NRG1: variants seen among roughly 807,000 people sequenced by gnomAD.
NRG1 encodes neuregulin 1.
NRG1 carries 18 observed loss-of-function variants against 63.8 expected under a neutral mutation model. The ratio of observed to expected loss-of-function variants is 0.28; its 90% confidence interval spans 0.19 to 0.42. NRG1 has a LOEUF of 0.42. Among genes scored for constraint, NRG1 ranks in the 10% least tolerant of loss-of-function variants. The pLI is 1.00. For synonymous variants in NRG1, 302 were observed against 301.3 expected (o/e 1.00, Z -0.02); for missense variants, 762 against 814.7 (o/e 0.94, Z 0.79).
At chr8:31,876,366 G>A (rs904373033) in intron 1 of NRG1, among the ~76,000 whole-genome samples, 1 of 152,132 alleles carries the variant, frequency 6.6e-6, no homozygotes, top group Non-Finnish European at 1.5e-5. Flanking sequence ...ATCAATTTCT[G>A]TTTGAGGTTG....
At chr8:31,741,830 A>G (rs1234031025) in intron 1 of NRG1, among the ~76,000 whole-genome samples, 1 of 152,028 alleles carries the variant, frequency 6.6e-6, no homozygotes, top group Non-Finnish European at 1.5e-5. Flanking sequence ...AGTAGTACCA[A>G]TCCTATATAT....
intron 1 of NRG1, among the ~76,000 whole-genome samples, chr8:31,846,767 T>A (rs1456754867): frequency 1.3e-5 from 2 of 152,180 alleles, no homozygotes; most frequent in Non-Finnish European, 2.9e-5. Flanking sequence ...GAACTCTACA[T>A]CTTTTAGTGG....
chr8:32,012,261 T>G (rs1046269157), intron 1 of NRG1, among the ~76,000 whole-genome samples: 1 of 152,118 alleles, frequency 6.6e-6, no homozygotes, highest in Non-Finnish European at 1.5e-5. Flanking sequence ...ATGATGGTTT[T>G]ATTTGCCAGC....
intron 1 of NRG1, among the ~76,000 whole-genome samples, chr8:32,164,594 G>A (rs1017186448): frequency 2.1e-4 from 32 of 152,032 alleles, no homozygotes; most frequent in African/African-American, 7.0e-4. Flanking sequence ...ACACACTACC[G>A]CTTTTTACAT....
At chr8:31,853,906 G>A (rs1827539011) in intron 1 of NRG1, among the ~76,000 whole-genome samples, 1 of 151,582 alleles carries the variant, frequency 6.6e-6, no homozygotes, top group Non-Finnish European at 1.5e-5. Context: ...TTTTATGCTG[G>A]ATTACATTTA....
At chr8:32,034,174 T>C (rs926084354) in intron 1 of NRG1, among the ~76,000 whole-genome samples, 4 of 152,226 alleles carry the variant, frequency 2.6e-5, no homozygotes, top group Admixed American at 6.5e-5. Context: ...TGTTGAATTT[T>C]ATTGAAGGCC....
At chr8:32,258,648 T>C (rs940982328) in intron 1 of NRG1, among the ~76,000 whole-genome samples, 1 of 152,144 alleles carries the variant, frequency 6.6e-6, no homozygotes, top group African/African-American at 2.4e-5. Flanking sequence ...AAGGAGGAAC[T>C]GTCAAACACT....
chr8:31,888,731 C>G (rs565001578), intron 1 of NRG1, among the ~76,000 whole-genome samples: 105 of 151,924 alleles, frequency 6.9e-4, no homozygotes, highest in African/African-American at 2.3e-3. Flanking sequence ...ATATTTGAAT[C>G]AAAGTTATTA....
chr8:31,950,392 G>A (rs1803280971), intron 1 of NRG1, among the ~76,000 whole-genome samples: 1 of 152,180 alleles, frequency 6.6e-6, no homozygotes, highest in Admixed American at 6.5e-5. Flanking sequence ...AAATTTAAGG[G>A]TGGAGATGGG....
chr8:31,776,204 C>A (rs1204774624), intron 1 of NRG1, among the ~76,000 whole-genome samples: 1 of 152,096 alleles, frequency 6.6e-6, no homozygotes, highest in Non-Finnish European at 1.5e-5. Flanking sequence ...GGGTTGTAGG[C>A]CATGAAAGTT....
chr8:32,029,989 T>C (rs896952107), intron 1 of NRG1, among the ~76,000 whole-genome samples: 1 of 152,196 alleles, frequency 6.6e-6, no homozygotes, highest in Non-Finnish European at 1.5e-5. Flanking sequence ...ATTCTCTTTA[T>C]ATTCATTATA....
chr8:32,489,876 C>T (rs17645111), intron 1 of NRG1, among the ~76,000 whole-genome samples: 16,398 of 152,236 alleles, frequency 0.11, 1,128 homozygotes, highest in South Asian at 0.16. Flanking sequence ...AAAGACTCCT[C>T]GGTCCTCCCT....
intron 1 of NRG1, among the ~76,000 whole-genome samples, chr8:32,227,082 C>G (rs970954515): frequency 6.6e-6 from 1 of 152,156 alleles, no homozygotes; most frequent in Non-Finnish European, 1.5e-5. Context: ...CTTCCTTTCT[C>G]CTTTTACTCT....
At chr8:32,543,606 T>A (rs142543029), upstream of NRG1, among the ~76,000 whole-genome samples, 12 of 152,290 alleles carry the variant, frequency 7.9e-5, no homozygotes, top group East Asian at 1.4e-3. Flanking sequence ...ATCCATGATA[T>A]CAGTCATGAC....
At chr8:32,573,375 CTT>C in intron 1 of NRG1, among the ~76,000 whole-genome samples, 2 of 151,388 alleles carry the variant, frequency 1.3e-5, no homozygotes, top group Non-Finnish European at 2.9e-5. Context: ...TCCAATAAAA[CTT>C]TATTTACAAA....
chr8:32,134,797 G>C (rs1212983289), intron 1 of NRG1, among the ~76,000 whole-genome samples: 1 of 152,076 alleles, frequency 6.6e-6, no homozygotes, highest in Non-Finnish European at 1.5e-5. Flanking sequence ...TGGGAGGATA[G>C]CTTGAGCCCA....
intron 1 of NRG1, among the ~76,000 whole-genome samples, chr8:32,246,429 G>T (rs1455507790): frequency 6.6e-6 from 1 of 152,106 alleles, no homozygotes; most frequent in African/African-American, 2.4e-5. Flanking sequence ...TCCTGACTCA[G>T]TCTGCTGGTA....
At chr8:31,871,276 T>G (rs73578520) in intron 1 of NRG1, among the ~76,000 whole-genome samples, 22,488 of 152,030 alleles carry the variant, frequency 0.15, 2,060 homozygotes, top group Non-Finnish European at 0.19. Context: ...TGCCCGTCCT[T>G]GTTTTCCTTT....
intron 1 of NRG1, among the ~76,000 whole-genome samples, chr8:31,857,870 C>T (rs181270685): frequency 7.9e-5 from 12 of 152,216 alleles, no homozygotes; most frequent in East Asian, 3.9e-4. Flanking sequence ...CAGGAACTAA[C>T]GAACATACAG....
Sources: allele counts gnomAD v4.1 joint callset (sites outside exome capture counted in the v4.1 genomes callset), GRCh38; gene constraint gnomAD v4.1.1; transcripts MANE v1.5; gene names NCBI Gene and HGNC (gene_info 2026-07-23, HGNC 2026-07-21).